Variants in UPF1 observed in about 807,000 individuals in gnomAD.
UPF1 encodes UPF1 RNA helicase and ATPase, also known as regulator of nonsense transcripts 1.
UPF1 carries 9 observed loss-of-function variants against 129.2 expected under a neutral mutation model. The ratio of observed to expected loss-of-function variants is 0.07; its 90% CI spans 0.04 to 0.12. The LOEUF (loss-of-function observed/expected upper bound fraction) is 0.12. Ranked by LOEUF, UPF1 falls within the 10% of genes least tolerant of loss-of-function variation. UPF1 has a pLI of 1.00. For synonymous variants in UPF1, 649 were observed against 644.9 expected (o/e 1.01, Z -0.10); for missense variants, 788 against 1,525.3 (o/e 0.52, Z 8.05).
chr19:18,841,563 C>T (rs562944832), intron 1 of UPF1, among the ~76,000 whole-genome samples: 5 of 152,312 alleles, frequency 3.3e-5, no homozygotes, highest in African/African-American at 7.2e-5. Flanking sequence ...GCGTTCCGAG[C>T]GGCCTCTCCC....
rs1442421363 is a variant in UPF1, at chr19:18,862,087, C to T, written c.2535C>T (p.Asn845=). The T allele has an allele frequency of 1.4e-5, 22 of 1,614,072 alleles. No homozygotes were observed. Among genetic ancestry groups the T allele is most frequent in the East Asian group, 2.2e-5 (1 of 44,884 alleles). The change falls in exon 18 of 24, where the codon AAC becomes AAT. Residue 845 remains asparagine, a synonymous_variant. Coordinates refer to ENST00000262803, the MANE Select transcript of UPF1 (RefSeq NM_002911.4). ...DFIILSCVRA[N]EHQGIGFLND... ...TCATCCTGTCCTGTGTGCGGGCCAACGAGCACCAAGGCATTGGCTTTTTAA... is the reference window on the plus strand; with the variant it reads ...TCATCCTGTCCTGTGTGCGGGCCAATGAGCACCAAGGCATTGGCTTTTTAA...
In UPF1 at chr19:18,832,206, C is replaced by A; in HGVS notation, c.-4C>A. On this transcript the variant is annotated 5_prime_UTR_variant, in exon 1 of 24. Coordinates refer to ENST00000262803, the MANE Select transcript of UPF1 (RefSeq NM_002911.4). The surrounding 1 kb of genome is among the most constrained non-coding windows in gnomAD (Gnocchi z 5.6). The stretch of plus-strand genomic sequence containing the variant: ...CCGGCCCGAGGGCCCTACCCGGAGG[C>A]ACCATGAGCGTGGAGGCGTACGGGC... 6.5e-7 allele frequency: 1 copy of A among 1,539,226 alleles called. No homozygotes were observed. Among genetic ancestry groups the A allele is most frequent in the Admixed American group, 1.9e-5 (1 of 52,268 alleles).
intron 15 of UPF1, among the ~76,000 whole-genome samples, 155 bp downstream of exon 15, chr19:18,857,688 G>T (rs190193415): frequency 1.1e-4 from 16 of 152,344 alleles, no homozygotes; most frequent in African/African-American, 3.8e-4. Flanking sequence ...GGTCTTGATG[G>T]TATGGTCTTG....
At position 18,866,154 on chromosome 19, in the gene UPF1, C is replaced by G; in HGVS notation, c.3348C>G (p.Ser1116=). 2 of 1,602,686 alleles carry G rather than the reference C, an allele frequency of 1.2e-6. No homozygotes were observed. Among genetic ancestry groups the G allele is most frequent in the African/African-American group, 2.7e-5 (2 of 74,626 alleles). ...AYQHGGVTGL[S]QY Reference sequence around the variant, plus strand: ...AGCATGGCGGGGTGACGGGGCTGTCCCAGTATTAAAAGGCAAGCCCCCCTG... The same window carrying G: ...AGCATGGCGGGGTGACGGGGCTGTCGCAGTATTAAAAGGCAAGCCCCCCTG... The change falls in exon 23 of 24, where the codon TCC becomes TCG. Residue 1116 remains serine (S), a synonymous_variant. Transcript: ENST00000262803.
intron 2 of UPF1, among the ~76,000 whole-genome samples, chr19:18,847,501 T>C (rs1465710608): frequency 6.6e-6 from 1 of 152,204 alleles, no homozygotes; most frequent in Non-Finnish European, 1.5e-5. Context: ...CCAGCAGGAC[T>C]CTCCTTGGAG....
At chr19:18,834,689 G>GGGGCAAGGAAGTCTATGA (rs2055465026) in intron 1 of UPF1, among the ~76,000 whole-genome samples, 2 of 152,170 alleles carry the variant, frequency 1.3e-5, no homozygotes, top group Non-Finnish European at 2.9e-5. Context: ...ACGGAATTTG[G>GGGGCAAGGAAGTCTATGA]GGGCAAGGAA....
Position 18,857,497 on chromosome 19 carries a change from T to A in UPF1, c.2146T>A (p.Phe716Ile). The A allele has an allele frequency of 6.2e-7, 1 of 1,613,842 alleles. No individual in the cohort carries two copies. The highest frequency in any genetic ancestry group is 8.5e-7 in the Non-Finnish European group (1 of 1,179,920). ...ACTCAGCGCCTTCCCATCCAACATCTTCTACGAGGGCTCCCTCCAGAATGG... is the reference window on the plus strand; with the variant it reads ...ACTCAGCGCCTTCCCATCCAACATCATCTACGAGGGCTCCCTCCAGAATGG... ...PALSAFPSNI[F>I]YEGSLQNGVT... The change falls in exon 15 of 24, where the codon TTC becomes ATC. Residue 716 changes from phenylalanine to isoleucine, a missense_variant. This residue lies in a region of UPF1 where 140 missense variants were observed against 385.9 expected (regional missense o/e 0.36). Coordinates refer to ENST00000262803, the MANE Select transcript of UPF1 (RefSeq NM_002911.4).
Position 18,856,170 on chromosome 19 carries a change from C to T in UPF1, c.1710-16C>T. 1.2e-6 allele frequency: 2 copies of T among 1,605,940 alleles called. No homozygotes were observed. Among genetic ancestry groups the T allele is most frequent in the Non-Finnish European group, 1.7e-6 (2 of 1,173,442 alleles). On this transcript the variant is annotated splice_polypyrimidine_tract_variant and intron_variant, in intron 12 of 23. Transcript: ENST00000262803. ...TACAGAACTCAGGCACCCTGCTGAC[C>T]TGCATGTGCTTCCAGCATGCCTGAG...
intron 1 of UPF1, among the ~76,000 whole-genome samples, chr19:18,836,558 A>G (rs2055485025): frequency 6.6e-6 from 1 of 152,184 alleles, no homozygotes; most frequent in African/African-American, 2.4e-5. Context: ...GCAGGTGACA[A>G]AGGGCACAGG....
At chr19:18,859,632 A>G (rs2055755973) in intron 15 of UPF1, 1 of 152,304 alleles carries the variant, frequency 6.6e-6, no homozygotes, top group African/African-American at 2.4e-5. Flanking sequence ...TGTCCATGTC[A>G]GGCTGGTGCT....
At chr19:18,842,919 A>G (rs1045395990) in intron 1 of UPF1, among the ~76,000 whole-genome samples, 3 of 151,836 alleles carry the variant, frequency 2.0e-5, no homozygotes, top group South Asian at 2.1e-4. Context: ...CCCGGGAGGC[A>G]GAGGTTGCGG....
At chr19:18,846,157 C>T in intron 2 of UPF1, 38 bp downstream of exon 2, 1 of 1,610,716 alleles carries the variant, frequency 6.2e-7, no homozygotes, top group Non-Finnish European at 8.5e-7. Flanking sequence ...ATGTGCTGGA[C>T]AGGTGGGTGC....
At position 18,851,371 on chromosome 19, in the gene UPF1, C is replaced by T. The variant is rs1186799459; in HGVS notation, c.810+503C>T. Among the ~76,000 whole-genome samples, 1 of 152,206 alleles carries T rather than the reference C, an allele frequency of 6.6e-6. No individual in the cohort carries two copies. The highest frequency in any genetic ancestry group is 1.5e-5 in the Non-Finnish European group (1 of 68,040). ...TCCCCACGGAAGCCTTTCTGTGCTTCCAGCTGTTTAGGATTTTGTGATAAA... is the reference window on the plus strand; with the variant it reads ...TCCCCACGGAAGCCTTTCTGTGCTTTCAGCTGTTTAGGATTTTGTGATAAA... On this transcript the variant is annotated intron_variant, in intron 5 of 23. Coordinates refer to ENST00000262803, the MANE Select transcript of UPF1 (RefSeq NM_002911.4). The surrounding 1 kb of genome is among the most constrained non-coding windows in gnomAD (Gnocchi z 4.2).
intron 20 of UPF1, 62 bp downstream of exon 20, chr19:18,864,313 C>T (rs540583140): frequency 2.0e-6 from 3 of 1,468,802 alleles, no homozygotes; most frequent in South Asian, 2.3e-5. Flanking sequence ...GCTGGCCGTT[C>T]CCATGGCTGC....
At chr19:18,839,263 T>C (rs1252752596) in intron 1 of UPF1, among the ~76,000 whole-genome samples, 4 of 152,114 alleles carry the variant, frequency 2.6e-5, no homozygotes, top group Non-Finnish European at 1.5e-5. Context: ...AACTAATTTT[T>C]TTGTATTTTT....
At chr19:18,842,838 A>G (rs2055555560) in intron 1 of UPF1, among the ~76,000 whole-genome samples, 1 of 151,978 alleles carries the variant, frequency 6.6e-6, no homozygotes, top group African/African-American at 2.4e-5. Context: ...TGTCTCTACT[A>G]AAAATAGGCG....
intron 2 of UPF1, 27 bp from the exon 3 acceptor site, chr19:18,847,717 G>GT (rs1212935171): frequency 4.4e-6 from 7 of 1,606,860 alleles, no homozygotes; most frequent in Non-Finnish European, 6.0e-6. Context: ...GCTTCCAGCT[G>GT]TAACTGTCGC....
intron 1 of UPF1, among the ~76,000 whole-genome samples, chr19:18,843,429 C>A (rs1418336412): frequency 6.6e-6 from 1 of 151,808 alleles, no homozygotes; most frequent in Non-Finnish European, 1.5e-5. Context: ...ATGTCTGCGG[C>A]CTGAGAGTTT....
chr19:18,850,645 C>T lies in UPF1; in HGVS notation c.630-43C>T. On this transcript the variant is annotated intron_variant, in intron 4 of 23. Transcript: ENST00000262803. This position sits in a 1 kb window ranked among gnomAD's most constrained non-coding sequence, Gnocchi z 7.1. ...GGGGGCCCTCCCTGCTCCGGGGCTT[C>T]AGGGACGGGAGCTGGTCCTCACGGC... 6.6e-7 allele frequency: 1 copy of T among 1,507,654 alleles called. No homozygotes were observed. The highest frequency in any genetic ancestry group is 8.9e-7 in the Non-Finnish European group (1 of 1,129,886). 93.4% of individuals were successfully genotyped at this position (1,507,654 alleles called of 1,614,324 possible). A position where few individuals can be genotyped will look rare whatever the true frequency, so the allele number is the denominator to read the frequency against.
Sources: allele counts gnomAD v4.1 joint callset (sites outside exome capture counted in the v4.1 genomes callset), GRCh38; gene constraint gnomAD v4.1.1; regional missense constraint gnomAD v4.1.1; non-coding constraint Gnocchi (gnomAD v3.1); transcripts MANE v1.5; gene names NCBI Gene and HGNC (gene_info 2026-07-23, HGNC 2026-07-21).